CACNA1B: variants seen among roughly 807,000 people sequenced by gnomAD.
The protein encoded by CACNA1B is calcium voltage-gated channel subunit alpha1 B.
CACNA1B carries 70 observed loss-of-function variants against 247.2 expected under a neutral mutation model. The ratio of observed to expected loss-of-function variants is 0.28; its 90% CI spans 0.23 to 0.35. The LOEUF is 0.35. Ranked by LOEUF, CACNA1B falls within the 10% of genes least tolerant of loss-of-function variation. CACNA1B has a pLI of 1.00. For missense variants in CACNA1B, 2,367 were observed against 3,197.4 expected (o/e 0.74, Z 6.26); for synonymous variants, 1,231 against 1,294.4 (o/e 0.95, Z 1.05).
intron 15 of CACNA1B, among the ~76,000 whole-genome samples, chr9:137,989,421 G>A (rs1282270427): frequency 1.3e-5 from 2 of 152,144 alleles, no homozygotes. Context: ...CCCATGTGAG[G>A]TGCGAAAGAG....
intron 12 of CACNA1B, among the ~76,000 whole-genome samples, chr9:137,978,983 G>A (rs1195959873): frequency 6.6e-6 from 1 of 152,176 alleles, no homozygotes; most frequent in Non-Finnish European, 1.5e-5. Context: ...TTGACTTCTT[G>A]GTCACAAAGA....
intron 32 of CACNA1B, among the ~76,000 whole-genome samples, chr9:138,071,860 A>G (rs1293519110): frequency 2.0e-5 from 3 of 150,484 alleles, no homozygotes; most frequent in Non-Finnish European, 4.4e-5. Flanking sequence ...GCCCCTCCAG[A>G]CCCCCTGAGC....
At position 137,971,395 on chromosome 9, in the gene CACNA1B, C is replaced by T. The variant is rs1405093647; in HGVS notation, c.1346C>T (p.Ala449Val). ...CCCATCCCCTCAGGATCCCCCTTCG[C>T]CCGCGCCAGCCTCAAGAGCGGGAAG... ...ADLCAVGSPF[A>V]RASLKSGKTE... The change falls in exon 11 of 47, where the codon GCC (alanine) becomes GTC (valine). Residue 449 changes from alanine to valine, a missense_variant. By Grantham distance (64) the Ala-to-Val change is moderately conservative. Around this residue, in one of 12 missense-constraint regions of CACNA1B, gnomAD observed 219 missense variants for 297.6 expected, o/e 0.74. Transcript: ENST00000371372. This position sits in a 1 kb window ranked among gnomAD's most constrained non-coding sequence, Gnocchi z 4.4. The T allele has an allele frequency of 5.0e-6, 8 of 1,611,178 alleles. No individual in the cohort carries two copies. In the African/African-American group the frequency reaches 9.4e-5, roughly 19 times the overall value.
At chr9:138,061,008 G>T (rs572380361) in intron 31 of CACNA1B, among the ~76,000 whole-genome samples, 13 of 152,178 alleles carry the variant, frequency 8.5e-5, no homozygotes, top group African/African-American at 1.2e-4. Context: ...TCAGCCCTGC[G>T]CATCCCAAGT....
rs965806064 is a variant in CACNA1B, at chr9:137,957,200, G to A, written c.1243+373G>A. ...AGGCTGCCCTCTCTGCACACCCACC[G>A]CTCAGGTCAGGGCCAGACAGCATGG... On this transcript the variant is annotated intron_variant, in intron 9 of 46. Transcript: ENST00000371372. This position sits in a 1 kb window ranked among gnomAD's most constrained non-coding sequence, Gnocchi z 4.7. Among the ~76,000 whole-genome samples the A allele has an allele frequency of 1.3e-5, 2 of 152,186 alleles. No individual in the cohort carries two copies. The highest frequency in any genetic ancestry group is 1.9e-4 in the East Asian group (1 of 5,178).
At chr9:138,037,620 T>C (rs1305082473) in intron 20 of CACNA1B, among the ~76,000 whole-genome samples, 3 of 151,842 alleles carry the variant, frequency 2.0e-5, no homozygotes, top group Non-Finnish European at 2.9e-5. Flanking sequence ...GATCGCGCCA[T>C]TTCACTCCAG....
chr9:137,968,228 G>A (rs1589039042), intron 10 of CACNA1B, among the ~76,000 whole-genome samples: 1 of 152,272 alleles, frequency 6.6e-6, no homozygotes, highest in African/African-American at 2.4e-5. Context: ...CTGGTGGGGA[G>A]GAGACGAAGC....
chr9:137,967,510 C>G (rs186597137), intron 10 of CACNA1B, among the ~76,000 whole-genome samples: 1 of 152,318 alleles, frequency 6.6e-6, no homozygotes, highest in East Asian at 1.9e-4. Flanking sequence ...CTCTTCTCTT[C>G]AGTCCTTGCT....
At chr9:138,090,072 T>C (rs999989891) in intron 36 of CACNA1B, among the ~76,000 whole-genome samples, 2 of 151,756 alleles carry the variant, frequency 1.3e-5, no homozygotes, top group African/African-American at 4.8e-5. Context: ...CATAGAAATA[T>C]AAAAAAAATC....
chr9:138,031,924 A>G (rs1958992172), intron 20 of CACNA1B, among the ~76,000 whole-genome samples: 1 of 152,062 alleles, frequency 6.6e-6, no homozygotes, highest in African/African-American at 2.4e-5. Flanking sequence ...TGTAGATAGT[A>G]TTCATGTTTT....
rs967823138 is a variant in CACNA1B at position 138,072,639 on chromosome 9, A to AC, written c.4675-844dup. Among the ~76,000 whole-genome samples, 1 of 151,864 alleles carries AC rather than the reference A, an allele frequency of 6.6e-6. No individual in the cohort carries two copies. Among genetic ancestry groups the AC allele is most frequent in the Non-Finnish European group, 1.5e-5 (1 of 67,998 alleles). ...CAGAAAGCCTCCTGGGTCCACAAGC[A>AC]CCCCCATCTGTGCACGGACACCTCC... On this transcript the variant is annotated intron_variant, in intron 32 of 46. Transcript: ENST00000371372. This position sits in a 1 kb window ranked among gnomAD's most constrained non-coding sequence, Gnocchi z 4.5.
rs2133534985 is a variant in CACNA1B at position 138,072,663 on chromosome 9, C to G, written c.4675-825C>G. ...CACCCCCATCTGTGCACGGACACCT[C>G]CCCAGAGCCTGCTTCCCTGAAAGGG... On this transcript the variant is annotated intron_variant, in intron 32 of 46. Coordinates refer to ENST00000371372, the MANE Select transcript of CACNA1B (RefSeq NM_000718.4). This position sits in a 1 kb window ranked among gnomAD's most constrained non-coding sequence, Gnocchi z 4.5. 6.6e-6 allele frequency among the ~76,000 whole-genome samples: 1 copy of G among 152,334 alleles called. No homozygotes were observed. The highest frequency in any genetic ancestry group is 1.9e-4 in the East Asian group (1 of 5,176).
chr9:138,061,783 G>A (rs1414942032), intron 31 of CACNA1B, among the ~76,000 whole-genome samples: 2 of 152,242 alleles, frequency 1.3e-5, no homozygotes, highest in Non-Finnish European at 2.9e-5. Flanking sequence ...AGGAGAGGGT[G>A]TTCTGATATA....
At chr9:137,970,422 G>A (rs1958132651) in intron 10 of CACNA1B, among the ~76,000 whole-genome samples, 2 of 152,216 alleles carry the variant, frequency 1.3e-5, no homozygotes, top group African/African-American at 4.8e-5. Context: ...TCCCTCAGTT[G>A]TTAAGCATTG....
At chr9:138,120,958 C>A in intron 46 of CACNA1B, 77 bp downstream of exon 46, 1 of 1,472,502 alleles carries the variant, frequency 6.8e-7, no homozygotes, top group Non-Finnish European at 9.1e-7. Context: ...AGGCTCCTGC[C>A]TCTCCCCAGG....
intron 5 of CACNA1B, among the ~76,000 whole-genome samples, chr9:137,915,769 C>T (rs1318714661): frequency 1.3e-5 from 2 of 151,550 alleles, no homozygotes; most frequent in South Asian, 4.2e-4. Context: ...CACTTCTAGT[C>T]CACGTAGCAT....
At chr9:137,948,181 A>G (rs151068347) in intron 6 of CACNA1B, among the ~76,000 whole-genome samples, 231 of 152,148 alleles carry the variant, frequency 1.5e-3, no homozygotes, top group Middle Eastern at 3.4e-3. Context: ...GGGTTTCGCC[A>G]TGTTGGCCAG....
chr9:137,989,673 G>A (rs541282918), intron 15 of CACNA1B, among the ~76,000 whole-genome samples: 4 of 152,236 alleles, frequency 2.6e-5, no homozygotes, highest in East Asian at 3.9e-4. Flanking sequence ...ATCACTATTC[G>A]CCAAGAATTC....
chr9:138,077,017 C>T (rs185590248), intron 35 of CACNA1B, among the ~76,000 whole-genome samples: 15 of 152,306 alleles, frequency 9.8e-5, no homozygotes, highest in Admixed American at 2.6e-4. Flanking sequence ...TGCCTCATGC[C>T]GCGGAAGACT....
Sources: gnomAD v4.1 joint callset for allele counts (sites outside exome capture counted in the v4.1 genomes callset) on GRCh38, gnomAD v4.1.1 for gene constraint, gnomAD v4.1.1 regional missense constraint, Gnocchi (gnomAD v3.1) non-coding constraint, MANE v1.5 for transcripts, NCBI Gene and HGNC (gene_info 2026-07-23, HGNC 2026-07-21) for gene names.